SKI: variants seen among roughly 807,000 people sequenced by gnomAD.
The protein encoded by SKI is ski oncogene.
Under a neutral mutation model 59.3 loss-of-function variants are expected in SKI, and 23 were observed. The ratio of observed to expected loss-of-function variants is 0.39; its 90% CI spans 0.28 to 0.55. SKI has a LOEUF of 0.55. Ranked by LOEUF, SKI falls within the 20% of genes least tolerant of loss-of-function variation. The probability of loss-of-function intolerance (pLI) is 0.67; values close to 1 mark genes in which losing one functional copy is unlikely to be tolerated. For synonymous variants in SKI, 673 were observed against 488.6 expected (o/e 1.38, Z -4.98); for missense variants, 1,017 against 1,038.9 (o/e 0.98, Z 0.29).
At chr1:2,279,300 G>A (rs973458061) in intron 1 of SKI, among the ~76,000 whole-genome samples, 2 of 152,064 alleles carry the variant, frequency 1.3e-5, no homozygotes, top group South Asian at 4.2e-4. Flanking sequence ...GGGCGTGGCC[G>A]TGCCCAGCAG....
chr1:2,280,205 T>A (rs12562901), intron 1 of SKI, among the ~76,000 whole-genome samples: 28,223 of 136,092 alleles, frequency 0.21, 2,803 homozygotes, highest in East Asian at 0.31. Context: ...ACGTATCTAC[T>A]AAAAAAAAAA....
intron 1 of SKI, among the ~76,000 whole-genome samples, chr1:2,297,326 C>T (rs1437777940): frequency 1.3e-5 from 2 of 152,184 alleles, no homozygotes; most frequent in Non-Finnish European, 2.9e-5. Flanking sequence ...GGTTTTCAGC[C>T]ACACCGAAGA....
intron 1 of SKI, chr1:2,240,621 C>G (rs183709201): frequency 1.0e-6 from 1 of 985,374 alleles, no homozygotes; most frequent in Non-Finnish European, 1.2e-6. Context: ...CTCTTTAGCC[C>G]GAAGTAACCA....
rs111459205 is a variant in SKI, at chr1:2,303,930, G to A, written c.1302G>A (p.Pro434=). The A allele has an allele frequency of 7.3e-5, 117 of 1,611,784 alleles. No individual in the cohort carries two copies. In the African/African-American group the frequency reaches 8.3e-4, roughly 11 times the overall value. The change falls in exon 4 of 7, where the codon CCG becomes CCA. Residue 434 remains proline (P), a synonymous_variant. Transcript: ENST00000378536. This position sits in a 1 kb window ranked among gnomAD's most constrained non-coding sequence, Gnocchi z 5.6. The stretch of plus-strand genomic sequence containing the variant: ...AGCAGAAGGTTGTGAGCAGCCCTCC[G>A]TGTGCCGCCGCCGTCTCCCGGGCCC... ...PAQQKVVSSP[P]CAAAVSRAPE...
intron 1 of SKI, among the ~76,000 whole-genome samples, chr1:2,231,088 C>T (rs1237344876): frequency 6.6e-6 from 1 of 152,200 alleles, no homozygotes; most frequent in Non-Finnish European, 1.5e-5. Flanking sequence ...TGCAGACAGA[C>T]GTAGCAGGCT....
chr1:2,274,640 G>A (rs1057207524), intron 1 of SKI, among the ~76,000 whole-genome samples: 2 of 152,234 alleles, frequency 1.3e-5, no homozygotes, highest in African/African-American at 4.8e-5. Flanking sequence ...GGGATTCTAG[G>A]CTGGAGCCTC....
chr1:2,292,763 T>C (rs1207285031), intron 1 of SKI, among the ~76,000 whole-genome samples: 3 of 152,202 alleles, frequency 2.0e-5, no homozygotes, highest in East Asian at 3.9e-4. Flanking sequence ...GGCCTGTGGC[T>C]TTTAGGAACC....
chr1:2,272,360 CG>C (rs1639643480), intron 1 of SKI, among the ~76,000 whole-genome samples: 1 of 152,244 alleles, frequency 6.6e-6, no homozygotes, highest in South Asian at 2.1e-4. Flanking sequence ...GTGTTGAGAC[CG>C]TGCTGCCCCC....
At chr1:2,251,055 C>T (rs928530027) in intron 1 of SKI, among the ~76,000 whole-genome samples, 1 of 152,218 alleles carries the variant, frequency 6.6e-6, no homozygotes, top group South Asian at 2.1e-4. Context: ...GGGCCAGGAT[C>T]CCTGGTGAGT....
intron 1 of SKI, among the ~76,000 whole-genome samples, chr1:2,255,414 A>G (rs1639251990): frequency 6.6e-6 from 1 of 152,178 alleles, no homozygotes; most frequent in South Asian, 2.1e-4. Context: ...TATCTGGAAC[A>G]CTGTGTCCTG....
intron 1 of SKI, among the ~76,000 whole-genome samples, chr1:2,282,466 T>C (rs12117574): frequency 0.17 from 7,261 of 42,122 alleles, 1,268 homozygotes; most frequent in South Asian, 0.27. Context: ...AGAGGACGCC[T>C]GAGAAGACAG....
intron 5 of SKI, among the ~76,000 whole-genome samples, chr1:2,305,557 A>T (rs984890450): frequency 1.3e-5 from 2 of 152,166 alleles, no homozygotes; most frequent in Non-Finnish European, 2.9e-5. Context: ...GGTGTGAGTC[A>T]CACGGATATT....
intron 1 of SKI, among the ~76,000 whole-genome samples, chr1:2,274,810 C>G (rs980389461): frequency 6.6e-6 from 1 of 152,198 alleles, no homozygotes; most frequent in Non-Finnish European, 1.5e-5. Context: ...TGAGGAGGGC[C>G]GGCTGCTGCC....
At chr1:2,254,195 C>G (rs1639225440) in intron 1 of SKI, among the ~76,000 whole-genome samples, 1 of 152,204 alleles carries the variant, frequency 6.6e-6, no homozygotes, top group South Asian at 2.1e-4. Flanking sequence ...CCTCCAGACA[C>G]TGATTGTGAA....
Position 2,229,280 on chromosome 1 carries a change from C to T in SKI, c.514C>T (p.Pro172Ser). The T allele has an allele frequency of 6.3e-7, 1 of 1,596,412 alleles. No individual in the cohort carries two copies. Among genetic ancestry groups the T allele is most frequent in the East Asian group, 2.3e-5 (1 of 43,900 alleles). The change falls in exon 1 of 7, where the codon CCC (proline) becomes TCC (serine). Residue 172 changes from proline to serine, a missense_variant. Transcript: ENST00000378536. This position sits in a 1 kb window ranked among gnomAD's most constrained non-coding sequence, Gnocchi z 6.3. ...KVMGILPFSA[P>S]SCGLITKTDA... ...CATGGGCATCCTGCCCTTCTCGGCG[C>T]CCTCGTGCGGGCTCATCACCAAGAC...
chr1:2,303,292 G>A lies in SKI; in HGVS notation c.1103G>A (p.Gly368Asp). The change falls in exon 3 of 7, where the codon GGC becomes GAC. Residue 368 changes from glycine to aspartate, a missense_variant. Coordinates refer to ENST00000378536, the MANE Select transcript of SKI (RefSeq NM_003036.4). This position sits in a 1 kb window ranked among gnomAD's most constrained non-coding sequence, Gnocchi z 5.6. ...ACAACTCTTTCTCGACAGAGCCTGGGCTGTGTTCACCCTCGCCAGCGCCTC... is the reference window on the plus strand; with the variant it reads ...ACAACTCTTTCTCGACAGAGCCTGGACTGTGTTCACCCTCGCCAGCGCCTC... Reference protein sequence around the residue: ...TLAGSSNKSLGCVHPRQRLSA... With the variant: ...TLAGSSNKSLDCVHPRQRLSA... 1.2e-6 allele frequency: 2 copies of A among 1,613,548 alleles called. No homozygotes were observed. Among genetic ancestry groups the A allele is most frequent in the South Asian group, 1.1e-5 (1 of 91,082 alleles).
intron 1 of SKI, among the ~76,000 whole-genome samples, chr1:2,249,183 G>A (rs897809390): frequency 3.9e-5 from 6 of 152,232 alleles, no homozygotes; most frequent in African/African-American, 9.6e-5. Flanking sequence ...GTTGGTGGGC[G>A]TGCAGGGTGT....
intron 1 of SKI, among the ~76,000 whole-genome samples, chr1:2,230,311 A>G (rs552818638): frequency 6.6e-6 from 1 of 152,304 alleles, no homozygotes; most frequent in South Asian, 2.1e-4. Flanking sequence ...CAGACACAAA[A>G]TGAAGCCAGG....
intron 1 of SKI, among the ~76,000 whole-genome samples, chr1:2,288,631 T>A (rs4648823): frequency 0.19 from 28,964 of 152,190 alleles, 3,147 homozygotes; most frequent in Non-Finnish European, 0.25. Context: ...ATGTGTTCTC[T>A]GCTCCCTTCC....
Sources: allele counts gnomAD v4.1 joint callset (sites outside exome capture counted in the v4.1 genomes callset), GRCh38; gene constraint gnomAD v4.1.1; non-coding constraint Gnocchi (gnomAD v3.1); transcripts MANE v1.5; gene names NCBI Gene and HGNC (gene_info 2026-07-23, HGNC 2026-07-21).